The following CDH2 variants were observed in gnomAD, a reference collection of about 807,000 sequenced individuals.
CDH2 encodes the protein cadherin 2, also known as cadherin-2.
CDH2 carries 17 observed loss-of-function variants against 92.0 expected under a neutral mutation model. The ratio of observed to expected loss-of-function variants is 0.18; its 90% CI spans 0.13 to 0.28. The LOEUF (loss-of-function observed/expected upper bound fraction) is 0.28. Among genes scored for constraint, CDH2 ranks in the 10% least tolerant of loss-of-function variants. CDH2 has a pLI of 1.00. For missense variants in CDH2, 862 were observed against 1,133.1 expected (o/e 0.76, Z 3.44); for synonymous variants, 419 against 415.9 (o/e 1.01, Z -0.09).
chr18:28,158,093 C>T (rs2016249903), intron 1 of CDH2, among the ~76,000 whole-genome samples: 1 of 152,144 alleles, frequency 6.6e-6, no homozygotes, highest in Admixed American at 6.5e-5. Context: ...CAGATGTTTA[C>T]AGTCCCCGGA....
At chr18:28,147,597 T>C (rs571463081) in intron 2 of CDH2, 76 bp downstream of exon 2, 1 of 865,364 alleles carries the variant, frequency 1.2e-6, no homozygotes, top group South Asian at 1.6e-5. Context: ...GTAGAAATGA[T>C]TTAGGCTTTT....
intron 6 of CDH2, among the ~76,000 whole-genome samples, chr18:27,934,569 A>G (rs1908975823): frequency 6.6e-6 from 1 of 152,206 alleles, no homozygotes; most frequent in South Asian, 2.1e-4. Context: ...CAATATACTA[A>G]TTTTAATAAT....
chr18:27,984,027 T>C (rs1019176334), intron 13 of CDH2, among the ~76,000 whole-genome samples: 1 of 152,234 alleles, frequency 6.6e-6, no homozygotes, highest in Non-Finnish European at 1.5e-5. Flanking sequence ...CATGATCTCA[T>C]TTGCTATTGT....
At chr18:28,019,185 G>A (rs1234712613) in intron 2 of CDH2, among the ~76,000 whole-genome samples, 1 of 151,868 alleles carries the variant, frequency 6.6e-6, no homozygotes, top group Non-Finnish European at 1.5e-5. Flanking sequence ...TACACACTGG[G>A]TACATTGTAC....
chr18:28,154,866 A>G (rs1387816704), intron 1 of CDH2, among the ~76,000 whole-genome samples: 1 of 152,188 alleles, frequency 6.6e-6, no homozygotes, highest in African/African-American at 2.4e-5. Flanking sequence ...AAAGCAGCCT[A>G]AACCTAAGGA....
chr18:28,051,609 G>C (rs1045773813), intron 2 of CDH2, among the ~76,000 whole-genome samples: 1 of 151,978 alleles, frequency 6.6e-6, no homozygotes. Context: ...AAAGATAATA[G>C]AACCTTTTCT....
intron 2 of CDH2, among the ~76,000 whole-genome samples, chr18:28,107,116 C>T (rs939344744): frequency 2.6e-5 from 4 of 152,046 alleles, no homozygotes; most frequent in Non-Finnish European, 5.9e-5. Context: ...AGCAATATTT[C>T]TGGAAATTCT....
chr18:28,092,830 A>G (rs919217525), intron 2 of CDH2, among the ~76,000 whole-genome samples: 1 of 152,194 alleles, frequency 6.6e-6, no homozygotes, highest in African/African-American at 2.4e-5. Flanking sequence ...ACAGTGAGGG[A>G]TGAGGTCCAT....
At chr18:27,949,841 G>A (rs1035454625), downstream of CDH2, among the ~76,000 whole-genome samples, 1 of 151,530 alleles carries the variant, frequency 6.6e-6, no homozygotes, top group African/African-American at 2.4e-5. Flanking sequence ...TATATTTATT[G>A]TGTATATATA....
intron 1 of CDH2, among the ~76,000 whole-genome samples, chr18:28,172,104 C>G (rs553943760): frequency 7.1e-6 from 1 of 141,044 alleles, no homozygotes; most frequent in African/African-American, 2.9e-5. Context: ...TGTGTGTGTG[C>G]GTGTGTGTAT....
At chr18:28,099,877 G>A (rs761003329) in intron 2 of CDH2, among the ~76,000 whole-genome samples, 3 of 151,966 alleles carry the variant, frequency 2.0e-5, no homozygotes, top group Non-Finnish European at 2.9e-5. Flanking sequence ...TATTAAATAC[G>A]ATGATCAAAT....
At chr18:27,988,462 G>A (rs530196307) in intron 11 of CDH2, 62 bp downstream of exon 11, 10 of 1,422,020 alleles carry the variant, frequency 7.0e-6, no homozygotes, top group Admixed American at 5.7e-5. Flanking sequence ...TTTAATTCCT[G>A]AGCATGCATG....
At chr18:28,085,670 A>G (rs2014913246) in intron 2 of CDH2, among the ~76,000 whole-genome samples, 1 of 152,116 alleles carries the variant, frequency 6.6e-6, no homozygotes. Context: ...CATGTCCATA[A>G]GCATCTCAAA....
At chr18:28,006,096 T>C in intron 5 of CDH2, 103 bp from the exon 6 acceptor site, 1 of 926,628 alleles carries the variant, frequency 1.1e-6, no homozygotes, top group Admixed American at 2.4e-5. Flanking sequence ...AACTCACAGC[T>C]GAAAAACAAA....
At chr18:28,134,488 T>C (rs988654143) in intron 2 of CDH2, among the ~76,000 whole-genome samples, 2 of 152,082 alleles carry the variant, frequency 1.3e-5, no homozygotes, top group Admixed American at 6.5e-5. Context: ...GGTGGGAAGA[T>C]TGCTCAGCTC....
chr18:27,947,513 C>T (rs72639458), downstream of CDH2, among the ~76,000 whole-genome samples: 13,912 of 151,416 alleles, frequency 0.092, 1,024 homozygotes, highest in East Asian at 0.37. Flanking sequence ...AAAAAAAGAA[C>T]GTAAGAAATT....
intron 1 of CDH2, among the ~76,000 whole-genome samples, chr18:28,148,160 A>C (rs528422877): frequency 1.3e-5 from 2 of 152,310 alleles, no homozygotes; most frequent in South Asian, 4.1e-4. Flanking sequence ...GTTTTCATGA[A>C]AAATGTATAC....
chr18:28,165,006 T>C (rs2016357721), intron 1 of CDH2, among the ~76,000 whole-genome samples: 1 of 152,234 alleles, frequency 6.6e-6, no homozygotes, highest in Admixed American at 6.5e-5. Context: ...ATAATTTATC[T>C]GGTTGTCACA....
chr18:28,004,492 C>G (rs1352932362), intron 6 of CDH2, among the ~76,000 whole-genome samples: 1 of 152,034 alleles, frequency 6.6e-6, no homozygotes, highest in Non-Finnish European at 1.5e-5. Context: ...AGCTGACAGT[C>G]TTTTATTTAT....
Sources: allele counts gnomAD v4.1 joint callset (sites outside exome capture counted in the v4.1 genomes callset), GRCh38; gene constraint gnomAD v4.1.1; transcripts MANE v1.5; gene names NCBI Gene and HGNC (gene_info 2026-07-23, HGNC 2026-07-21).